SDK2: variants seen among roughly 807,000 people sequenced by gnomAD.
The protein encoded by SDK2 is protein sidekick-2.
SDK2 carries 105 observed loss-of-function variants against 253.9 expected under a neutral mutation model. That is an observed-to-expected ratio of 0.41 (90% CI 0.35 to 0.49). The LOEUF is 0.49. Among genes scored for constraint, SDK2 ranks in the 20% least tolerant of loss-of-function variants. The pLI is 0.06. For synonymous variants in SDK2, 1,249 were observed against 1,234.9 expected (o/e 1.01, Z -0.24); for missense variants, 2,608 against 3,003.0 (o/e 0.87, Z 3.07).
At chr17:73,413,216 TGTGAACTGTG>T (rs2063154054) in intron 18 of SDK2, among the ~76,000 whole-genome samples, 1 of 152,020 alleles carries the variant, frequency 6.6e-6, no homozygotes, top group Admixed American at 6.6e-5. Flanking sequence ...TGAACCCTGC[TGTGAACTGTG>T]GATGTGAGGG....
At chr17:73,632,517 G>A (rs957991980) in intron 1 of SDK2, among the ~76,000 whole-genome samples, 7 of 152,240 alleles carry the variant, frequency 4.6e-5, no homozygotes, top group Admixed American at 3.3e-4. Context: ...CTGCACTGTC[G>A]GCTTCCCTAC....
chr17:73,620,889 G>A (rs954334872), intron 1 of SDK2, among the ~76,000 whole-genome samples: 3 of 152,196 alleles, frequency 2.0e-5, no homozygotes, highest in Admixed American at 6.5e-5. Context: ...TAATGGGTAA[G>A]GGGTTTCCTT....
chr17:73,560,025 C>T (rs1479593172), intron 1 of SDK2, among the ~76,000 whole-genome samples: 12 of 152,220 alleles, frequency 7.9e-5, no homozygotes, highest in Admixed American at 2.0e-4. Context: ...CCACGGGAAG[C>T]GGGTCTATGG....
rs142666488 is a variant in SDK2, at chr17:73,524,730, A to T, written c.65-17133T>A. On this transcript the variant is annotated intron_variant, in intron 1 of 44. Coordinates refer to ENST00000392650, the MANE Select transcript of SDK2 (RefSeq NM_001144952.2). ...AGAACACTGATGCTCAAAGACATGAAGTGACTTCACCCAGGTTACACACAT... is the reference window on the plus strand; with the variant it reads ...AGAACACTGATGCTCAAAGACATGATGTGACTTCACCCAGGTTACACACAT... 2.0e-5 allele frequency among the ~76,000 whole-genome samples: 3 copies of T among 152,336 alleles called. No individual in the cohort carries two copies. The East Asian group carries it at 5.8e-4, about 29-fold the overall frequency.
At chr17:73,562,143 C>G (rs1567844254) in intron 1 of SDK2, among the ~76,000 whole-genome samples, 1 of 151,908 alleles carries the variant, frequency 6.6e-6, no homozygotes, top group Non-Finnish European at 1.5e-5. Context: ...AGACAAATAA[C>G]ATCTTAATAT....
intron 2 of SDK2, among the ~76,000 whole-genome samples, chr17:73,498,878 C>G (rs574808496): frequency 6.6e-6 from 1 of 152,326 alleles, no homozygotes; most frequent in South Asian, 2.1e-4. Flanking sequence ...GGGAGGGACG[C>G]AGGCTTGGGG....
Position 73,447,417 on chromosome 17 carries a change from C to T in SDK2, c.613+198G>A, listed in dbSNP as rs1288573442. 3.9e-5 allele frequency among the ~76,000 whole-genome samples: 6 copies of T among 152,192 alleles called. No homozygotes were observed. In the East Asian group the frequency reaches 7.8e-4, roughly 20 times the overall value. On this transcript the variant is annotated intron_variant, in intron 5 of 44. Coordinates refer to ENST00000392650, the MANE Select transcript of SDK2 (RefSeq NM_001144952.2). This position sits in a 1 kb window ranked among gnomAD's most constrained non-coding sequence, Gnocchi z 4.0. ...GGCGTGTCATGGGAACGGGCTCCAG[C>T]GTTCAGCTGCTCCTTTCCTGCCCAG...
In SDK2 at chr17:73,415,415, C is replaced by T. The variant is rs114866961; in HGVS notation, c.2368+396G>A. 5.2e-3 allele frequency among the ~76,000 whole-genome samples: 770 copies of T among 147,412 alleles called. 8 individuals are homozygous for T. The highest frequency in any genetic ancestry group is 0.018 in the African/African-American group (732 of 39,800). On this transcript the variant is annotated intron_variant, in intron 17 of 44. Coordinates refer to ENST00000392650, the MANE Select transcript of SDK2 (RefSeq NM_001144952.2). ...TCACCTAGGCTGAAGTGCAGTGGCA[C>T]GATCTCAGCTCATTGCAGCCTTAAC...
chr17:73,338,754 T>C lies in SDK2; in HGVS notation c.6352A>G (p.Ser2118Gly). Residue 2118 changes from serine (S) to glycine (G), a missense_variant, in exon 45 of 45, where the codon AGC becomes GGC. Ser to Gly is a moderately conservative substitution (Grantham distance 56). This residue lies in a region of SDK2 where 1,103 missense variants were observed against 1,143.9 expected (regional missense o/e 0.96). Transcript: ENST00000392650. The surrounding 1 kb of genome is among the most constrained non-coding windows in gnomAD (Gnocchi z 5.0). ...GEPDHTTVTNSTSTQQGSLFR... is the reference protein window; with the variant it reads ...GEPDHTTVTNGTSTQQGSLFR... ...AGGCTGCCCTGCTGGGTGCTGGTGCTGTTGGTGACGGTGGTGTGGTCTGGC... is the reference window on the plus strand; with the variant it reads ...AGGCTGCCCTGCTGGGTGCTGGTGCCGTTGGTGACGGTGGTGTGGTCTGGC... The C allele has an allele frequency of 6.2e-7, 1 of 1,613,854 alleles. No homozygotes were observed.
intron 29 of SDK2, 39 bp from the exon 30 acceptor site, chr17:73,388,076 C>T (rs1266736239): frequency 1.4e-6 from 2 of 1,469,042 alleles, no homozygotes; most frequent in Non-Finnish European, 9.3e-7. Context: ...GTGAGTGGGC[C>T]AGGCCATGGT....
At chr17:73,406,758 G>T (rs1229436285) in intron 18 of SDK2, among the ~76,000 whole-genome samples, 12 of 152,146 alleles carry the variant, frequency 7.9e-5, no homozygotes, top group Non-Finnish European at 1.6e-4. Context: ...AAACCACAAT[G>T]AAGCAAATGA....
intron 18 of SDK2, among the ~76,000 whole-genome samples, chr17:73,408,856 C>A (rs373739044): frequency 1.3e-5 from 2 of 152,140 alleles, no homozygotes; most frequent in African/African-American, 2.4e-5. Flanking sequence ...ACAGATTATG[C>A]GGCAATCAAG....
chr17:73,626,708 C>T (rs1468543031), intron 1 of SDK2, among the ~76,000 whole-genome samples: 1 of 152,184 alleles, frequency 6.6e-6, no homozygotes, highest in Non-Finnish European at 1.5e-5. Flanking sequence ...GGAGGCAGGA[C>T]AGAAGAGAGA....
rs143934514 is a variant in SDK2, at chr17:73,435,562, G to A, written c.1083C>T (p.Asn361=). 12 of 1,589,530 alleles carry A rather than the reference G, an allele frequency of 7.5e-6. No individual in the cohort carries two copies. The highest frequency in any genetic ancestry group is 6.7e-5 in the African/African-American group (5 of 74,414). ...VEKLTRFRQR[N]DGGLQISGLV... is the part of the protein sequence containing the mutation. ...GGCCGCTGATCTGCAGGCCCCCGTC[G>A]TTGCGCTGCCGGAAGCGGGTCAACT... Residue 361 remains asparagine (N), a synonymous_variant, in exon 9 of 45, where the codon AAC becomes AAT. Transcript: ENST00000392650. The surrounding 1 kb of genome is among the most constrained non-coding windows in gnomAD (Gnocchi z 5.7).
At chr17:73,434,142 C>T (rs945233365) in intron 9 of SDK2, among the ~76,000 whole-genome samples, 2 of 152,180 alleles carry the variant, frequency 1.3e-5, no homozygotes, top group African/African-American at 2.4e-5. Flanking sequence ...ACTGAAGACC[C>T]CAGGAGGCAG....
chr17:73,614,979 T>TA (rs57411997), intron 1 of SDK2, among the ~76,000 whole-genome samples: 25 of 137,342 alleles, frequency 1.8e-4, no homozygotes, highest in East Asian at 1.5e-3. Context: ...GAATAGAAGA[T>TA]AAAAAAAAAA....
At chr17:73,350,620 A>C (rs995102833) in intron 42 of SDK2, 30 bp downstream of exon 42, 2 of 1,599,530 alleles carry the variant, frequency 1.3e-6, no homozygotes, top group Admixed American at 3.5e-5. Context: ...ACTCAAGTCC[A>C]GCCAGCATGG....
At chr17:73,519,364 G>C (rs907248681) in intron 1 of SDK2, 4 of 152,310 alleles carry the variant, frequency 2.6e-5, no homozygotes, top group Admixed American at 2.6e-4. Flanking sequence ...CACCAGCATT[G>C]GTTTCCCAAT....
intron 3 of SDK2, among the ~76,000 whole-genome samples, chr17:73,471,089 C>A (rs1405568463): frequency 6.6e-6 from 1 of 152,122 alleles, no homozygotes; most frequent in Non-Finnish European, 1.5e-5. Flanking sequence ...GAATTGGCGG[C>A]ACGGGGGAGA....
Sources: gnomAD v4.1 joint callset for allele counts (sites outside exome capture counted in the v4.1 genomes callset) on GRCh38, gnomAD v4.1.1 for gene constraint, gnomAD v4.1.1 regional missense constraint, Gnocchi (gnomAD v3.1) non-coding constraint, MANE v1.5 for transcripts, NCBI Gene and HGNC (gene_info 2026-07-23, HGNC 2026-07-21) for gene names.